Variants in GREB1L observed in about 807,000 individuals in gnomAD.
The protein encoded by GREB1L is GREB1-like protein.
In GREB1L, 17 loss-of-function variants were observed where a neutral mutation model predicts 200.8. The observed-to-expected ratio is 0.08, with a 90% CI of 0.06 to 0.13. The LOEUF (loss-of-function observed/expected upper bound fraction) is 0.13, where lower values mean the gene tolerates loss of function less well. Among genes scored for constraint, GREB1L ranks in the 10% least tolerant of loss-of-function variants. The probability of loss-of-function intolerance (pLI) is 1.00; values close to 1 mark genes in which losing one functional copy is unlikely to be tolerated. For missense variants in GREB1L, 1,657 were observed against 2,367.7 expected (o/e 0.70, Z 6.23); for synonymous variants, 789 against 893.0 (o/e 0.88, Z 2.08).
intron 1 of GREB1L, among the ~76,000 whole-genome samples, chr18:21,260,383 T>C (rs972866114): frequency 2.6e-5 from 4 of 151,944 alleles, no homozygotes; most frequent in Admixed American, 6.6e-5. Flanking sequence ...AGAAGATACA[T>C]ATTAAGGAGG....
At chr18:21,413,286 G>T (rs898534298) in intron 7 of GREB1L, among the ~76,000 whole-genome samples, 2 of 152,088 alleles carry the variant, frequency 1.3e-5, no homozygotes, top group African/African-American at 4.8e-5. Flanking sequence ...TGTCCCTGAT[G>T]ATGGCTGTTT....
At chr18:21,474,714 G>A (rs116669904) in intron 16 of GREB1L, among the ~76,000 whole-genome samples, 2,605 of 152,168 alleles carry the variant, frequency 0.017, 72 homozygotes, top group African/African-American at 0.058. Context: ...TTTCCCTCCT[G>A]GCCCACAAAA....
chr18:21,393,805 AC>A (rs1380173103), intron 4 of GREB1L, among the ~76,000 whole-genome samples: 1 of 151,690 alleles, frequency 6.6e-6, no homozygotes, highest in East Asian at 1.9e-4. Context: ...TAAGTGATCC[AC>A]CCACCTCGGC....
intron 7 of GREB1L, among the ~76,000 whole-genome samples, chr18:21,437,839 A>T (rs1327794899): frequency 3.9e-5 from 6 of 152,224 alleles, no homozygotes; most frequent in Non-Finnish European, 5.9e-5. Flanking sequence ...GTTTTAAAAA[A>T]ATATTTTTTA....
At chr18:21,393,792 C>T (rs545286856) in intron 4 of GREB1L, among the ~76,000 whole-genome samples, 1 of 151,946 alleles carries the variant, frequency 6.6e-6, no homozygotes, top group Non-Finnish European at 1.5e-5. Flanking sequence ...TGAACCGCAA[C>T]CTTAAGTGAT....
chr18:21,273,378 ATATAT>A (rs2144313315), intron 1 of GREB1L, among the ~76,000 whole-genome samples: 1 of 152,336 alleles, frequency 6.6e-6, no homozygotes, highest in East Asian at 1.9e-4. Context: ...TTTTTCATAA[ATATAT>A]TAAGTATGCT....
chr18:21,357,662 A>T (rs2143472847), intron 1 of GREB1L, among the ~76,000 whole-genome samples: 1 of 152,294 alleles, frequency 6.6e-6, no homozygotes, highest in East Asian at 1.9e-4. Flanking sequence ...TGATGTAAGG[A>T]TCTAATTTCA....
At chr18:21,329,409 G>A (rs1483719587) in intron 1 of GREB1L, among the ~76,000 whole-genome samples, 1 of 150,506 alleles carries the variant, frequency 6.6e-6, no homozygotes, top group Non-Finnish European at 1.5e-5. Context: ...GCAAAATAAT[G>A]AAATGTTTGC....
chr18:21,342,849 A>G (rs1359735944), intron 1 of GREB1L, among the ~76,000 whole-genome samples: 2 of 152,192 alleles, frequency 1.3e-5, no homozygotes, highest in Admixed American at 6.5e-5. Flanking sequence ...ACCACCATGC[A>G]AAAATATAAA....
At chr18:21,244,832 A>G (rs2037569991) in intron 1 of GREB1L, among the ~76,000 whole-genome samples, 1 of 152,188 alleles carries the variant, frequency 6.6e-6, no homozygotes, top group African/African-American at 2.4e-5. Context: ...AAGGAGAGTG[A>G]ATTCTCCTCG....
chr18:21,366,387 G>T (rs1266601640), intron 2 of GREB1L, among the ~76,000 whole-genome samples: 3 of 150,644 alleles, frequency 2.0e-5, no homozygotes, highest in African/African-American at 7.3e-5. Flanking sequence ...AAGAAAATAA[G>T]AATTCAGTTC....
intron 1 of GREB1L, among the ~76,000 whole-genome samples, chr18:21,355,228 C>CTTTTTT: frequency 6.8e-6 from 1 of 146,798 alleles, no homozygotes. Flanking sequence ...GAGGCTTGCT[C>CTTTTTT]TGAAGCCTAG....
intron 4 of GREB1L, among the ~76,000 whole-genome samples, chr18:21,390,948 G>A (rs1243998556): frequency 6.6e-6 from 1 of 152,162 alleles, no homozygotes; most frequent in East Asian, 1.9e-4. Context: ...TATACAAAGT[G>A]TTTGTGTTTT....
intron 29 of GREB1L, among the ~76,000 whole-genome samples, chr18:21,516,334 G>C (rs76651630): frequency 6.6e-6 from 1 of 152,130 alleles, no homozygotes; most frequent in Non-Finnish European, 1.5e-5. Flanking sequence ...CTGTTTTGCC[G>C]GAGTGTATCA....
chr18:21,524,486 G>A lies in GREB1L; in HGVS notation c.*1665G>A, dbSNP rs948099003. 1 of 152,126 alleles carries A rather than the reference G, an allele frequency of 6.6e-6. No homozygotes were observed. Among genetic ancestry groups the A allele is most frequent in the African/African-American group, 2.4e-5 (1 of 41,418 alleles). 9.4% of individuals were successfully genotyped at this position (152,126 alleles called of 1,614,324 possible). ...GTACAGCAGAATTTTTGGTAAAGAGGTATGTTTTGAAGCAATTTGGTTTAA... is the reference window on the plus strand; with the variant it reads ...GTACAGCAGAATTTTTGGTAAAGAGATATGTTTTGAAGCAATTTGGTTTAA... On this transcript the variant is annotated 3_prime_UTR_variant, in exon 33 of 33. Coordinates refer to ENST00000424526, the MANE Select transcript of GREB1L (RefSeq NM_001142966.3).
intron 19 of GREB1L, among the ~76,000 whole-genome samples, chr18:21,492,118 G>A (rs1395675280): frequency 5.9e-5 from 9 of 151,792 alleles, no homozygotes; most frequent in East Asian, 5.9e-4. Context: ...AGGCCGAGGC[G>A]GGCGGATCAC....
At chr18:21,444,546 C>T in intron 11 of GREB1L, 137 bp downstream of exon 11, 3 of 718,428 alleles carry the variant, frequency 4.2e-6, no homozygotes, top group South Asian at 3.9e-5. Flanking sequence ...TCCCTTCAAC[C>T]CCATTCTCTG....
At chr18:21,408,823 T>C (rs190826147) in intron 7 of GREB1L, among the ~76,000 whole-genome samples, 1 of 146,602 alleles carries the variant, frequency 6.8e-6, no homozygotes, top group Non-Finnish European at 1.5e-5. Flanking sequence ...AGTAATGAGA[T>C]ACTACTTCAC....
At chr18:21,399,615 T>C (rs138012796) in intron 5 of GREB1L, among the ~76,000 whole-genome samples, 1 of 152,326 alleles carries the variant, frequency 6.6e-6, no homozygotes, top group East Asian at 1.9e-4. Context: ...AATAGTCAAA[T>C]GTTCTCAAAT....
Sources: allele counts gnomAD v4.1 joint callset (sites outside exome capture counted in the v4.1 genomes callset), GRCh38; gene constraint gnomAD v4.1.1; transcripts MANE v1.5; gene names NCBI Gene and HGNC (gene_info 2026-07-23, HGNC 2026-07-21).